The following ANKAR variants were observed in gnomAD, a reference collection of about 807,000 sequenced individuals.
The protein encoded by ANKAR is ankyrin and armadillo repeat containing.
A neutral mutation model predicts 146.2 loss-of-function variants in ANKAR; 136 were observed. The ratio of observed to expected loss-of-function variants is 0.93; its 90% CI spans 0.81 to 1.07. ANKAR has a LOEUF of 1.07. ANKAR is among the 50% of genes least tolerant of loss of function. The probability of loss-of-function intolerance (pLI) is 0.00; values close to 1 mark genes in which losing one functional copy is unlikely to be tolerated. For missense variants in ANKAR, 1,567 were observed against 1,679.9 expected (o/e 0.93, Z 1.18); for synonymous variants, 500 against 575.8 (o/e 0.87, Z 1.88).
chr2:189,735,166 C>T (rs368122730), intron 17 of ANKAR, among the ~76,000 whole-genome samples: 50 of 152,174 alleles, frequency 3.3e-4, no homozygotes, highest in African/African-American at 1.2e-3. Context: ...CCCTTCTTCT[C>T]CCTTTTGTTA....
chr2:189,747,905 T>C (rs2044403477), downstream of ANKAR, among the ~76,000 whole-genome samples: 1 of 152,064 alleles, frequency 6.6e-6, no homozygotes, highest in African/African-American at 2.4e-5. Flanking sequence ...AGGCTGGTCT[T>C]GAACTCCTGA....
chr2:189,716,841 AG>A (rs2040531272), intron 10 of ANKAR, among the ~76,000 whole-genome samples: 1 of 152,062 alleles, frequency 6.6e-6, no homozygotes, highest in South Asian at 2.1e-4. Flanking sequence ...CAATGGGGAA[AG>A]GATTCCCTAT....
intron 8 of ANKAR, 45 bp from the exon 9 acceptor site, chr2:189,706,893 T>A (rs1229025434): frequency 6.8e-7 from 1 of 1,470,596 alleles, no homozygotes; most frequent in Non-Finnish European, 9.2e-7. Flanking sequence ...AAAAGTAAAT[T>A]TGACACTCTA....
Position 189,686,958 on chromosome 2 carries a change from T to C in ANKAR, c.602-2569T>C, listed in dbSNP as rs190068070. Among the ~76,000 whole-genome samples the C allele has an allele frequency of 1.9e-3, 294 of 152,338 alleles. 1 individual carries two copies. Among genetic ancestry groups the C allele is most frequent in the Middle Eastern group, 3.4e-3 (1 of 294 alleles). ...TCCTTCACCTCACAAATTTATCCTT[T>C]CTTTGTGTTACAGACAATCCAATTA... On this transcript the variant is annotated intron_variant, in intron 2 of 22. Transcript: ENST00000684021.
chr2:189,703,975 G>T (rs761430890), intron 7 of ANKAR, among the ~76,000 whole-genome samples: 81 of 152,236 alleles, frequency 5.3e-4, no homozygotes, highest in Non-Finnish European at 2.1e-4. Context: ...AACACTTGGG[G>T]ATTACAATTC....
intron 10 of ANKAR, among the ~76,000 whole-genome samples, chr2:189,715,318 C>T (rs1574569451): frequency 6.6e-6 from 1 of 152,270 alleles, no homozygotes; most frequent in African/African-American, 2.4e-5. Context: ...CACCCCTACA[C>T]AAATAAACCA....
chr2:189,746,040 G>A (rs930448774), intron 22 of ANKAR, among the ~76,000 whole-genome samples: 1 of 152,146 alleles, frequency 6.6e-6, no homozygotes, highest in Non-Finnish European at 1.5e-5. Context: ...GGGCAAGGTA[G>A]CACGTTTCTG....
Position 189,677,050 on chromosome 2 carries a change from C to T in ANKAR, c.560C>T (p.Pro187Leu), listed in dbSNP as rs374314519. 75 of 1,587,678 alleles carry T rather than the reference C, an allele frequency of 4.7e-5. No individual in the cohort carries two copies. Among genetic ancestry groups the T allele is most frequent in the Non-Finnish European group, 6.4e-5 (75 of 1,171,526 alleles). Reference protein sequence around the residue: ...AIMDIDPDGKPQTNKDIFSEF... With the variant: ...AIMDIDPDGKLQTNKDIFSEF... ...ATGGACATTGATCCTGATGGAAAAC[C>T]TCAAACAAATAAAGACATTTTTTCA... The change falls in exon 2 of 23, where the codon CCT (proline) becomes CTT (leucine). Residue 187 changes from proline to leucine, a missense_variant. Physicochemically the swap from Pro to Leu is moderately conservative, Grantham distance 98 (BLOSUM62 -3). Transcript: ENST00000684021.
rs562255069 is a variant in ANKAR, at chr2:189,734,972, G to T, written c.3423+1743G>T. ...GAGCTAGACTCCATCTCAAAAAAGA[G>T]AATATATATATATATATATTTACAG... is the stretch of plus-strand genomic sequence containing the variant. On this transcript the variant is annotated intron_variant, in intron 17 of 22. Coordinates refer to ENST00000684021, the MANE Select transcript of ANKAR (RefSeq NM_001378068.1). Among the ~76,000 whole-genome samples, 416 of 150,200 alleles carry T rather than the reference G, an allele frequency of 2.8e-3. 1 individual carries two copies. Among genetic ancestry groups the T allele is most frequent in the African/African-American group, 9.9e-3 (403 of 40,892 alleles).
intron 17 of ANKAR, among the ~76,000 whole-genome samples, chr2:189,737,073 CA>C (rs367906093): frequency 0.057 from 5,424 of 94,596 alleles, 131 homozygotes; most frequent in Middle Eastern, 0.1. Flanking sequence ...GACTTTGTCT[CA>C]AAAAAAAAAA....
chr2:189,723,865 C>G (rs1181155649), intron 12 of ANKAR, among the ~76,000 whole-genome samples: 3 of 152,160 alleles, frequency 2.0e-5, no homozygotes, highest in Non-Finnish European at 4.4e-5. Context: ...CTTCCCTGAG[C>G]TTTAGAGCTA....
In ANKAR at chr2:189,728,641, T is replaced by G; in HGVS notation, c.3032-19T>G. ...AGGGCACTGGAGTATCATACATGTA[T>G]CTTGCTTTTCTTTATCAGGAGGTGA... On this transcript the variant is annotated intron_variant, in intron 14 of 22. Coordinates refer to ENST00000684021, the MANE Select transcript of ANKAR (RefSeq NM_001378068.1). 7 of 1,611,078 alleles carry G rather than the reference T, an allele frequency of 4.3e-6. No individual in the cohort carries two copies. The highest frequency in any genetic ancestry group is 5.9e-6 in the Non-Finnish European group (7 of 1,178,350).
intron 18 of ANKAR, chr2:189,754,809 C>T (rs1683477143): frequency 3.9e-6 from 1 of 257,174 alleles, no homozygotes; most frequent in South Asian, 5.8e-5. Flanking sequence ...TAATTCTGTG[C>T]ATTGCATCTT....
chr2:189,725,459 GTATA>G (rs776645163), intron 12 of ANKAR, among the ~76,000 whole-genome samples: 13 of 152,064 alleles, frequency 8.5e-5, no homozygotes, highest in Non-Finnish European at 1.8e-4. Flanking sequence ...GGCAGAGAAG[GTATA>G]TGGTGAGTCA....
chr2:189,681,569 C>T (rs1305899947), intron 2 of ANKAR, among the ~76,000 whole-genome samples: 1 of 152,204 alleles, frequency 6.6e-6, no homozygotes, highest in Non-Finnish European at 1.5e-5. Flanking sequence ...GCTTTCTACA[C>T]CTACATTTTC....
Position 189,746,503 on chromosome 2 carries a change from A to G in ANKAR, c.4181A>G (p.Asn1394Ser), listed in dbSNP as rs1412983657. The change falls in exon 23 of 23, where the codon AAT (asparagine) becomes AGT (serine). Residue 1394 changes from asparagine (N) to serine (S), a missense_variant. By Grantham distance (46) the Asn-to-Ser change is conservative (BLOSUM62 1). Coordinates refer to ENST00000684021, the MANE Select transcript of ANKAR (RefSeq NM_001378068.1). ...ACAAAAAAGACCAAGGATTCCCATAATATTTTTTCTTTTTCATCTACAATT... is the reference window on the plus strand; with the variant it reads ...ACAAAAAAGACCAAGGATTCCCATAGTATTTTTTCTTTTTCATCTACAATT... Reference protein sequence around the residue: ...KATKKTKDSHNIFSFSSTITS... With the variant: ...KATKKTKDSHSIFSFSSTITS... The G allele has an allele frequency of 6.2e-7, 1 of 1,613,794 alleles. No individual in the cohort carries two copies. Among genetic ancestry groups the G allele is most frequent in the Non-Finnish European group, 8.5e-7 (1 of 1,179,904 alleles).
At chr2:189,690,034 G>A in intron 3 of ANKAR, 70 bp downstream of exon 3, 1 of 1,176,388 alleles carries the variant, frequency 8.5e-7, no homozygotes, top group Non-Finnish European at 1.1e-6. Flanking sequence ...ATGCAATTTT[G>A]TTTCTAGTAT....
rs933507645 is a variant in ANKAR at position 189,719,476 on chromosome 2, G to A, written c.2225-96G>A. 9 of 919,190 alleles carry A rather than the reference G, an allele frequency of 9.8e-6. No homozygotes were observed. In the East Asian group the frequency reaches 2.2e-4, roughly 23 times the overall value. 56.9% of individuals were successfully genotyped at this position (919,190 alleles called of 1,614,324 possible). On this transcript the variant is annotated intron_variant, in intron 10 of 22. Coordinates refer to ENST00000684021, the MANE Select transcript of ANKAR (RefSeq NM_001378068.1). ...ATTTCATAATTATTTATATTGCAAT[G>A]CCCATAAATATTATTTAAATATTGC...
At chr2:189,721,911 T>G (rs538411527) in intron 12 of ANKAR, among the ~76,000 whole-genome samples, 1 of 152,278 alleles carries the variant, frequency 6.6e-6, no homozygotes, top group South Asian at 2.1e-4. Flanking sequence ...AACTTCAAAT[T>G]TAAGCAAGTG....
Sources: gnomAD v4.1 joint callset for allele counts (sites outside exome capture counted in the v4.1 genomes callset) on GRCh38, gnomAD v4.1.1 for gene constraint, MANE v1.5 for transcripts, NCBI Gene and HGNC (gene_info 2026-07-23, HGNC 2026-07-21) for gene names.